GRIK3: variants seen among roughly 807,000 people sequenced by gnomAD.
The protein encoded by GRIK3 is glutamate receptor ionotropic, kainate 3.
GRIK3 carries 29 observed loss-of-function variants against 102.5 expected under a neutral mutation model. The observed-to-expected ratio is 0.28, with a 90% CI of 0.21 to 0.39. GRIK3 has a LOEUF of 0.39. GRIK3 is among the 10% of genes least tolerant of loss of function. The pLI is 1.00. For synonymous variants in GRIK3, 511 were observed against 504.9 expected, an observed-to-expected ratio of 1.01 and a Z score of -0.16; for missense variants, 908 against 1,252.4, an observed-to-expected ratio of 0.73 and a Z score of 4.15.
At chr1:36,809,652 C>T (rs541179252) in intron 13 of GRIK3, among the ~76,000 whole-genome samples, 1 of 152,334 alleles carries the variant, frequency 6.6e-6, no homozygotes, top group South Asian at 2.1e-4. Flanking sequence ...CTCCTATATA[C>T]AGGCCTGCCT....
At chr1:36,991,334 C>T (rs1224330872) in intron 1 of GRIK3, among the ~76,000 whole-genome samples, 2 of 152,222 alleles carry the variant, frequency 1.3e-5, no homozygotes, top group Non-Finnish European at 2.9e-5. Context: ...ACAGATATGA[C>T]CCTAAAGGGG....
At chr1:36,964,982 G>C (rs1319918569) in intron 1 of GRIK3, among the ~76,000 whole-genome samples, 1 of 152,204 alleles carries the variant, frequency 6.6e-6, no homozygotes, top group Non-Finnish European at 1.5e-5. Flanking sequence ...ACAAATGTTT[G>C]TTGATCCTCT....
chr1:36,972,424 C>A (rs1201468955), intron 1 of GRIK3, among the ~76,000 whole-genome samples: 1 of 152,234 alleles, frequency 6.6e-6, no homozygotes, highest in Admixed American at 6.5e-5. Context: ...TGAGGAAATA[C>A]AATGATGTAA....
chr1:36,845,539 T>G (rs1640510514), intron 9 of GRIK3, among the ~76,000 whole-genome samples: 1 of 152,154 alleles, frequency 6.6e-6, no homozygotes, highest in Non-Finnish European at 1.5e-5. Context: ...TTATCCCCAA[T>G]TTGGGAAGGA....
chr1:37,007,568 G>C (rs997824492), intron 1 of GRIK3, among the ~76,000 whole-genome samples: 1 of 152,220 alleles, frequency 6.6e-6, no homozygotes, highest in African/African-American at 2.4e-5. Flanking sequence ...ACCGGGCCTG[G>C]CTGGGGATGG....
intron 1 of GRIK3, among the ~76,000 whole-genome samples, chr1:36,917,698 T>A (rs1158123190): frequency 1.3e-5 from 2 of 152,238 alleles, no homozygotes; most frequent in Non-Finnish European, 2.9e-5. Flanking sequence ...CACATGGAAC[T>A]GTAAGTCCAT....
rs577898180 is a variant in GRIK3 at position 37,033,646 on chromosome 1, G to T, written c.115+348C>A. ...GGGTCCCCACTCTGCGGAGAAGCCC[G>T]ATCGCAGAACTCGGTCGGCTGCGGT... On this transcript the variant is annotated intron_variant, in intron 1 of 15. Transcript: ENST00000373091. Among the ~76,000 whole-genome samples, 20 of 152,354 alleles carry T rather than the reference G, an allele frequency of 1.3e-4. No individual in the cohort carries two copies. In the South Asian group the frequency reaches 3.9e-3, roughly 30 times the overall value.
chr1:36,802,941 A>T (rs571762238), intron 15 of GRIK3, among the ~76,000 whole-genome samples: 92 of 152,126 alleles, frequency 6.0e-4, no homozygotes, highest in Non-Finnish European at 1.1e-3. Flanking sequence ...ACAAATACTT[A>T]ATGCGACCCT....
chr1:36,969,086 G>A (rs906416737), intron 1 of GRIK3, among the ~76,000 whole-genome samples: 1 of 152,134 alleles, frequency 6.6e-6, no homozygotes, highest in African/African-American at 2.4e-5. Flanking sequence ...CCAAGACAAA[G>A]CAACCCTTCC....
intron 1 of GRIK3, among the ~76,000 whole-genome samples, chr1:36,947,619 A>G (rs1641798694): frequency 6.6e-6 from 1 of 152,028 alleles, no homozygotes; most frequent in East Asian, 1.9e-4. Flanking sequence ...CTTACATGTC[A>G]TCTTATCAGA....
intron 1 of GRIK3, among the ~76,000 whole-genome samples, chr1:36,953,248 A>G (rs2124337056): frequency 6.6e-6 from 1 of 152,264 alleles, no homozygotes; most frequent in South Asian, 2.1e-4. Flanking sequence ...GGGCTCTGGC[A>G]AGTGCGGAGC....
chr1:36,886,670 T>C (rs901245057), intron 2 of GRIK3, among the ~76,000 whole-genome samples: 3 of 152,238 alleles, frequency 2.0e-5, no homozygotes, highest in African/African-American at 7.2e-5. Context: ...ATATAAAATA[T>C]AGTAAAGTGC....
At chr1:36,974,520 C>T (rs1449036706) in intron 1 of GRIK3, among the ~76,000 whole-genome samples, 3 of 152,022 alleles carry the variant, frequency 2.0e-5, no homozygotes, top group Admixed American at 6.5e-5. Flanking sequence ...GAATGCCAGC[C>T]GGGAGTGGTG....
intron 1 of GRIK3, among the ~76,000 whole-genome samples, chr1:36,947,496 A>C (rs1488219595): frequency 6.6e-6 from 1 of 152,002 alleles, no homozygotes; most frequent in Non-Finnish European, 1.5e-5. Flanking sequence ...TTTACCCTAG[A>C]ATTCAAGGCT....
At chr1:36,905,785 A>G (rs1641278550) in intron 1 of GRIK3, among the ~76,000 whole-genome samples, 1 of 152,210 alleles carries the variant, frequency 6.6e-6, no homozygotes, top group Non-Finnish European at 1.5e-5. Flanking sequence ...TCAAAATGTG[A>G]AAACAAACAC....
At chr1:37,027,718 C>T (rs976244958) in intron 1 of GRIK3, among the ~76,000 whole-genome samples, 1 of 152,184 alleles carries the variant, frequency 6.6e-6, no homozygotes, top group African/African-American at 2.4e-5. Context: ...GTAACATAAC[C>T]CTTCTGACCA....
At position 36,810,333 on chromosome 1, in the gene GRIK3, C is replaced by A. The variant is rs369928840; in HGVS notation, c.2092-4007G>T. On this transcript the variant is annotated intron_variant, in intron 13 of 15. Coordinates refer to ENST00000373091, the MANE Select transcript of GRIK3 (RefSeq NM_000831.4). ...CTGCCTGTCCCGGCCCTGGTTGGAA[C>A]CTTAATAAAGATTGTTTCAGGGCTA... Among the ~76,000 whole-genome samples the A allele has an allele frequency of 1.5e-4, 23 of 152,164 alleles. No individual in the cohort carries two copies. The East Asian group carries it at 1.7e-3, about 11-fold the overall frequency.
chr1:36,905,174 A>G (rs1425986108), intron 1 of GRIK3, among the ~76,000 whole-genome samples: 3 of 152,198 alleles, frequency 2.0e-5, no homozygotes. Flanking sequence ...AAAATACCTT[A>G]CCATAAATGT....
intron 1 of GRIK3, among the ~76,000 whole-genome samples, chr1:37,004,563 A>AATTAAAG (rs1642511754): frequency 6.6e-6 from 1 of 152,148 alleles, no homozygotes. Context: ...CTCTTGAATC[A>AATTAAAG]ACAGGCTTTA....
Sources: allele counts gnomAD v4.1 joint callset (sites outside exome capture counted in the v4.1 genomes callset), GRCh38; gene constraint gnomAD v4.1.1; transcripts MANE v1.5; gene names NCBI Gene and HGNC (gene_info 2026-07-23, HGNC 2026-07-21).